Variants in TRABD observed in about 807,000 individuals in gnomAD.
TRABD encodes traB domain-containing protein.
In TRABD, 23 loss-of-function variants were observed where a neutral mutation model predicts 39.6. The observed-to-expected ratio is 0.58, with a 90% confidence interval of 0.42 to 0.82. The LOEUF (loss-of-function observed/expected upper bound fraction) is 0.82, where lower values mean the gene tolerates loss of function less well. Among genes scored for constraint, TRABD ranks in the 40% least tolerant of loss-of-function variants. The pLI is 0.00. For synonymous variants in TRABD, 243 were observed against 232.1 expected (o/e 1.05, Z -0.43); for missense variants, 487 against 544.9 (o/e 0.89, Z 1.06).
In TRABD at chr22:50,198,705, T is replaced by C; in HGVS notation, c.*186T>C. ...CCACCCAAATAAAGGATTATTTAAC[T>C]GTCTGAGCTCAGGCCTCCCGGCAGC... On this transcript the variant is annotated 3_prime_UTR_variant, in exon 10 of 10. Coordinates refer to ENST00000380909, the MANE Select transcript of TRABD (RefSeq NM_001320485.2). This position sits in a 1 kb window ranked among gnomAD's most constrained non-coding sequence, Gnocchi z 7.9. 1.7e-6 allele frequency: 1 copy of C among 601,514 alleles called. No individual in the cohort carries two copies. Among genetic ancestry groups the C allele is most frequent in the Non-Finnish European group, 2.8e-6 (1 of 362,412 alleles). 37.3% of individuals were successfully genotyped at this position (601,514 alleles called of 1,614,324 possible).
intron 4 of TRABD, among the ~76,000 whole-genome samples, 182 bp from the exon 5 acceptor site, chr22:50,194,718 C>A (rs576070727): frequency 5.9e-5 from 9 of 152,358 alleles, no homozygotes; most frequent in African/African-American, 1.9e-4. Context: ...AGTGAACAAG[C>A]CTCACAGCTT....
At chr22:50,197,777 AG>A in intron 7 of TRABD, 45 bp from the exon 8 acceptor site, 1 of 598,224 alleles carries the variant, frequency 1.7e-6, no homozygotes, top group Admixed American at 3.8e-5. Flanking sequence ...CCACCCCCCC[AG>A]CCCGTTGCCC....
At chr22:50,192,856 G>A (rs555907385) in intron 1 of TRABD, among the ~76,000 whole-genome samples, 171 bp from the exon 2 acceptor site, 2 of 152,352 alleles carry the variant, frequency 1.3e-5, no homozygotes, top group South Asian at 2.1e-4. Flanking sequence ...GACCTGAACC[G>A]ACCCTGGACC....
chr22:50,198,309 C>A lies in TRABD; in HGVS notation c.957-36C>A. ...TGGGGGCTGGGGTATGGGGAGCCCA[C>A]CCCCAGCCAGGCCCAGCGCCCCCTC... On this transcript the variant is annotated intron_variant, in intron 9 of 9. Transcript: ENST00000380909. This position sits in a 1 kb window ranked among gnomAD's most constrained non-coding sequence, Gnocchi z 7.9. The A allele has an allele frequency of 2.0e-6, 3 of 1,508,278 alleles. No homozygotes were observed. Among genetic ancestry groups the A allele is most frequent in the Non-Finnish European group, 2.7e-6 (3 of 1,113,412 alleles). The allele number at this position is 1,508,278 out of a possible 1,614,324, so 93.4% of individuals were successfully genotyped here.
chr22:50,187,745 C>T (rs533627253), intron 1 of TRABD, among the ~76,000 whole-genome samples: 90 of 151,812 alleles, frequency 5.9e-4, no homozygotes, highest in Non-Finnish European at 9.6e-4. Context: ...TTTGGGAGGC[C>T]GAGGCGGGCA....
At chr22:50,186,220 G>A (rs1396495236) in intron 1 of TRABD, among the ~76,000 whole-genome samples, 4 of 143,888 alleles carry the variant, frequency 2.8e-5, no homozygotes, top group Admixed American at 2.7e-4. Context: ...GGTCGTGGGG[G>A]TCAGGCCAGG....
intron 1 of TRABD, among the ~76,000 whole-genome samples, chr22:50,189,260 T>C (rs972992718): frequency 6.6e-6 from 1 of 152,194 alleles, no homozygotes; most frequent in African/African-American, 2.4e-5. Context: ...ATGCTGGCCC[T>C]GGAGGCAGGT....
chr22:50,197,461 C>A lies in TRABD; in HGVS notation c.544C>A (p.Pro182Thr). ...GCCTCTGCTCCAGGCCAGCAAGGTG[C>A]CTTTCTGCAAGTTCCACCTGGGTGA... ...REAFKEASKV[P>T]FCKFHLGDRP... Residue 182 changes from proline (P) to threonine (T), a missense_variant, in exon 7 of 10, where the codon CCT becomes ACT. Physicochemically the swap from Pro to Thr is conservative, Grantham distance 38. This residue lies in a region of TRABD where 358 missense variants were observed against 414.7 expected (regional missense o/e 0.86). Coordinates refer to ENST00000380909, the MANE Select transcript of TRABD (RefSeq NM_001320485.2). 6.2e-7 allele frequency: 1 copy of A among 1,613,866 alleles called. No homozygotes were observed. Among genetic ancestry groups the A allele is most frequent in the Middle Eastern group, 1.6e-4 (1 of 6,062 alleles).
rs1289373130 is a variant in TRABD, at chr22:50,198,622, C to T, written c.*103C>T. On this transcript the variant is annotated 3_prime_UTR_variant, in exon 10 of 10. Coordinates refer to ENST00000380909, the MANE Select transcript of TRABD (RefSeq NM_001320485.2). The surrounding 1 kb of genome is among the most constrained non-coding windows in gnomAD (Gnocchi z 7.9). ...CCCGCCCGAGGCCCCTGCCACCCCCCATGGGGGTCTGGGCCCGGCCTCGCC... is the reference window on the plus strand; with the variant it reads ...CCCGCCCGAGGCCCCTGCCACCCCCTATGGGGGTCTGGGCCCGGCCTCGCC... 8.0e-7 allele frequency: 1 copy of T among 1,247,278 alleles called. No homozygotes were observed. The allele number at this position is 1,247,278 out of a possible 1,614,324, so 77.3% of individuals were successfully genotyped here. A position where few individuals can be genotyped will look rare whatever the true frequency, so the allele number is the denominator to read the frequency against.
intron 2 of TRABD, 84 bp downstream of exon 2, chr22:50,193,177 T>G: frequency 7.0e-7 from 1 of 1,430,418 alleles, no homozygotes; most frequent in African/African-American, 1.4e-5. Flanking sequence ...GGTCCCTGGC[T>G]GTTGTTCTGC....
rs1602476454 is a variant in TRABD, at chr22:50,198,641, C to T, written c.*122C>T. On this transcript the variant is annotated 3_prime_UTR_variant, in exon 10 of 10. Transcript: ENST00000380909. The surrounding 1 kb of genome is among the most constrained non-coding windows in gnomAD (Gnocchi z 7.9). ...ACCCCCCATGGGGGTCTGGGCCCGG[C>T]CTCGCCTGCCCTCCTGGGCCAGTCA... is the stretch of plus-strand genomic sequence containing the variant. 3.1e-6 allele frequency: 3 copies of T among 979,740 alleles called. No individual in the cohort carries two copies. Among genetic ancestry groups the T allele is most frequent in the East Asian group, 2.9e-5 (1 of 34,644 alleles). 60.7% of individuals were successfully genotyped at this position (979,740 alleles called of 1,614,324 possible).
At position 50,198,447 on chromosome 22, in the gene TRABD, C is replaced by T. The variant is rs776664917; in HGVS notation, c.1059C>T (p.Thr353=). Reference sequence around the variant, plus strand: ...GCCTGTACTGGATGGGCCGCCGCACCGCGAGCCTGGTCCTGTCGCTGCCCG... The same window carrying T: ...GCCTGTACTGGATGGGCCGCCGCACTGCGAGCCTGGTCCTGTCGCTGCCCG... ...GYSLYWMGRR[T]ASLVLSLPAA... is the part of the protein sequence containing the mutation. Residue 353 remains threonine (T), a synonymous_variant, in exon 10 of 10, where the codon ACC becomes ACT. Transcript: ENST00000380909. This position sits in a 1 kb window ranked among gnomAD's most constrained non-coding sequence, Gnocchi z 7.9. 3.1e-5 allele frequency: 50 copies of T among 1,594,592 alleles called. No homozygotes were observed. The highest frequency in any genetic ancestry group is 1.9e-4 in the South Asian group (17 of 89,714).
chr22:50,188,048 G>A (rs542767419), intron 1 of TRABD, among the ~76,000 whole-genome samples: 5 of 152,106 alleles, frequency 3.3e-5, no homozygotes, highest in African/African-American at 9.6e-5. Flanking sequence ...TTGGGAGGCC[G>A]AGGCAGGTGG....
At chr22:50,194,563 T>G in intron 4 of TRABD, 57 bp downstream of exon 4, 1 of 1,548,552 alleles carries the variant, frequency 6.5e-7, no homozygotes, top group Non-Finnish European at 8.7e-7. Context: ...TCCTGTGTCC[T>G]GCACTCAGGG....
intron 1 of TRABD, among the ~76,000 whole-genome samples, chr22:50,189,393 C>T (rs2063835885): frequency 6.6e-6 from 1 of 152,240 alleles, no homozygotes; most frequent in Non-Finnish European, 1.5e-5. Flanking sequence ...AAATCGTGTT[C>T]AGCACCCACC....
chr22:50,194,591 G>T, intron 4 of TRABD, 85 bp downstream of exon 4: 2 of 1,521,050 alleles, frequency 1.3e-6, no homozygotes, highest in Non-Finnish European at 1.8e-6. Context: ...GGCAGGGCCC[G>T]TGTGCCCGTG....
intron 2 of TRABD, 71 bp from the exon 3 acceptor site, chr22:50,193,505 T>G: frequency 6.2e-6 from 9 of 1,447,694 alleles, no homozygotes; most frequent in Non-Finnish European, 7.8e-6. Context: ...ACGTGGTCCG[T>G]GGAGTTGCCA....
chr22:50,187,118 G>A (rs1268784221), intron 1 of TRABD, among the ~76,000 whole-genome samples: 3 of 152,240 alleles, frequency 2.0e-5, no homozygotes, highest in African/African-American at 7.2e-5. Flanking sequence ...CCTCGCCGGA[G>A]GCCCTGATGC....
intron 1 of TRABD, among the ~76,000 whole-genome samples, chr22:50,191,450 T>C (rs7292398): frequency 0.03 from 4,564 of 152,326 alleles, 241 homozygotes; most frequent in African/African-American, 0.1. Context: ...GTGCCTGCTG[T>C]GGCTGTGTGC....
Sources: allele counts gnomAD v4.1 joint callset (sites outside exome capture counted in the v4.1 genomes callset), GRCh38; gene constraint gnomAD v4.1.1; regional missense constraint gnomAD v4.1.1; non-coding constraint Gnocchi (gnomAD v3.1); transcripts MANE v1.5; gene names NCBI Gene and HGNC (gene_info 2026-07-23, HGNC 2026-07-21).